The following NPHP1 variants were observed in gnomAD, a reference collection of about 807,000 sequenced individuals.
NPHP1 encodes nephrocystin 1, also known as nephrocystin-1.
In NPHP1, 70 loss-of-function variants were observed where a neutral mutation model predicts 90.4. That is an observed-to-expected ratio of 0.77 (90% CI 0.64 to 0.95). The LOEUF is 0.95. Among genes scored for constraint, NPHP1 ranks in the 40% least tolerant of loss-of-function variants. NPHP1 has a pLI of 0.00. For missense variants in NPHP1, 764 were observed against 795.9 expected, an observed-to-expected ratio of 0.96 and a Z score of 0.48; for synonymous variants, 256 against 271.7, an observed-to-expected ratio of 0.94 and a Z score of 0.57.
chr2:110,146,025 T>A (rs1207703725), intron 14 of NPHP1, among the ~76,000 whole-genome samples: 1 of 152,162 alleles, frequency 6.6e-6, no homozygotes, highest in Non-Finnish European at 1.5e-5. Context: ...TAGGTGAAAT[T>A]CAGACTTGGA....
intron 13 of NPHP1, among the ~76,000 whole-genome samples, chr2:110,147,037 T>TA (rs1681106046): frequency 6.6e-6 from 1 of 152,178 alleles, no homozygotes; most frequent in Non-Finnish European, 1.5e-5. Context: ...GTGATAATCA[T>TA]ATTTTGTCAA....
intron 2 of NPHP1, chr2:110,185,276 G>A (rs1483659958): frequency 4.4e-6 from 2 of 450,990 alleles, no homozygotes; most frequent in African/African-American, 4.0e-5. Context: ...GCCTGTGTGT[G>A]TGAGTGCATG....
intron 4 of NPHP1, among the ~76,000 whole-genome samples, chr2:110,171,348 A>G (rs1039166436): frequency 1.3e-5 from 2 of 152,192 alleles, no homozygotes; most frequent in Non-Finnish European, 2.9e-5. Flanking sequence ...TAAAGCTTAC[A>G]TGAGAGAAGC....
intron 2 of NPHP1, among the ~76,000 whole-genome samples, chr2:110,197,998 A>T (rs1179343471): frequency 1.3e-5 from 2 of 152,178 alleles, no homozygotes; most frequent in East Asian, 3.8e-4. Context: ...AAAACTAAGC[A>T]CACATTCATC....
At chr2:110,175,519 T>C (rs1007115968) in intron 4 of NPHP1, among the ~76,000 whole-genome samples, 7 of 152,168 alleles carry the variant, frequency 4.6e-5, no homozygotes, top group Non-Finnish European at 8.8e-5. Context: ...GTTTTCAAGA[T>C]GTTACTGTTA....
At chr2:110,201,147 T>A (rs1685550051) in intron 2 of NPHP1, among the ~76,000 whole-genome samples, 1 of 152,158 alleles carries the variant, frequency 6.6e-6, no homozygotes, top group Admixed American at 6.5e-5. Context: ...AGACAGAGGT[T>A]TCTGACCAGG....
At chr2:110,141,340 T>C (rs547168079) in intron 16 of NPHP1, among the ~76,000 whole-genome samples, 3 of 152,310 alleles carry the variant, frequency 2.0e-5, no homozygotes, top group East Asian at 3.9e-4. Context: ...GGCTGTTTTA[T>C]GTATTTTCTT....
intron 2 of NPHP1, among the ~76,000 whole-genome samples, chr2:110,195,641 T>C (rs1685112215): frequency 1.3e-5 from 2 of 151,930 alleles, no homozygotes; most frequent in African/African-American, 4.8e-5. Context: ...CTTTACAGAA[T>C]TGGAAAAAAC....
At position 110,169,974 on chromosome 2, in the gene NPHP1, CTCT is replaced by C. The variant is rs1683005521; in HGVS notation, c.351_353del (p.Glu120del). ...CACTATCTTCACTTTCACTTTCTTC[CTCT>C]TCTTCAGTAGGTGCCCCAACTCTAC... On this transcript the variant is annotated inframe_deletion, in exon 5 of 20. Coordinates refer to ENST00000445609, the MANE Select transcript of NPHP1 (RefSeq NM_001128178.3). The C allele has an allele frequency of 6.2e-7, 1 of 1,611,860 alleles. No homozygotes were observed. The highest frequency in any genetic ancestry group is 1.3e-5 in the African/African-American group (1 of 74,858).
intron 2 of NPHP1, among the ~76,000 whole-genome samples, chr2:110,198,112 G>A (rs1309667839): frequency 6.6e-6 from 1 of 152,044 alleles, no homozygotes; most frequent in Non-Finnish European, 1.5e-5. Flanking sequence ...GCCAGCAAGA[G>A]ATTTCAACAA....
chr2:110,133,220 T>G (rs531834771), intron 16 of NPHP1, among the ~76,000 whole-genome samples: 2 of 152,002 alleles, frequency 1.3e-5, no homozygotes, highest in Non-Finnish European at 2.9e-5. Context: ...GAAAAAAAAT[T>G]TCATGCAAAT....
intron 2 of NPHP1, among the ~76,000 whole-genome samples, chr2:110,185,835 A>T (rs1684245744): frequency 6.6e-6 from 1 of 152,188 alleles, no homozygotes; most frequent in African/African-American, 2.4e-5. Flanking sequence ...GGGCAGGAGT[A>T]GTACTCCCCC....
chr2:110,197,152 A>C (rs376029092), intron 2 of NPHP1, among the ~76,000 whole-genome samples: 1 of 152,100 alleles, frequency 6.6e-6, no homozygotes, highest in African/African-American at 2.4e-5. Context: ...GAGGAGGGAG[A>C]GCATCAGGAA....
At chr2:110,187,272 G>T (rs1355294307) in intron 2 of NPHP1, among the ~76,000 whole-genome samples, 2 of 152,036 alleles carry the variant, frequency 1.3e-5, no homozygotes, top group Non-Finnish European at 2.9e-5. Flanking sequence ...TACACCACTA[G>T]CTAGACTAAT....
At chr2:110,126,949 C>A (rs1235514586) in intron 18 of NPHP1, 1 of 152,604 alleles carries the variant, frequency 6.6e-6, no homozygotes, top group Non-Finnish European at 1.5e-5. Context: ...GGATGTTTCA[C>A]TTAGAGTAAC....
rs1348183433 is a variant in NPHP1, at chr2:110,148,107, C to T, written c.1159-81G>A. 11 of 904,310 alleles carry T rather than the reference C, an allele frequency of 1.2e-5. No homozygotes were observed. The Admixed American group carries it at 1.8e-4, about 15-fold the overall frequency. 56.0% of individuals were successfully genotyped at this position (904,310 alleles called of 1,614,324 possible). ...TTGATGTGGTTTGAATAAATGTCCC[C>T]ACCAAATTTCATGTTGAATTGTAAT... On this transcript the variant is annotated intron_variant, in intron 12 of 19. Transcript: ENST00000445609.
intron 11 of NPHP1, among the ~76,000 whole-genome samples, chr2:110,154,998 C>T (rs1259823640): frequency 1.3e-5 from 2 of 152,094 alleles, no homozygotes; most frequent in Admixed American, 1.3e-4. Flanking sequence ...AGCAGCCCCT[C>T]CCATCACAGG....
intron 11 of NPHP1, 111 bp from the exon 12 acceptor site, chr2:110,150,367 G>C: frequency 3.2e-6 from 3 of 947,822 alleles, no homozygotes; most frequent in Non-Finnish European, 3.4e-6. Context: ...AGATGGCAAG[G>C]GGAGAACTTT....
At chr2:110,145,034 G>A (rs535693728) in intron 14 of NPHP1, among the ~76,000 whole-genome samples, 1 of 152,070 alleles carries the variant, frequency 6.6e-6, no homozygotes, top group Non-Finnish European at 1.5e-5. Context: ...AGTAAAAAGT[G>A]AAAAATCCCT....
Sources: allele counts gnomAD v4.1 joint callset (sites outside exome capture counted in the v4.1 genomes callset), GRCh38; gene constraint gnomAD v4.1.1; transcripts MANE v1.5; gene names NCBI Gene and HGNC (gene_info 2026-07-23, HGNC 2026-07-21).